The following IQCK variants were observed in gnomAD, a reference collection of about 807,000 sequenced individuals.
The protein encoded by IQCK is IQ domain-containing protein K.
In IQCK, 29 loss-of-function variants were observed where a neutral mutation model predicts 28.1. That is an observed-to-expected ratio of 1.03 (90% CI 0.77 to 1.41). The LOEUF is 1.41. Ranked by LOEUF, IQCK falls within the 40% of genes most tolerant of loss-of-function variation. The pLI, the probability that IQCK is intolerant of heterozygous loss-of-function variation, is 0.00. For missense variants in IQCK, 359 were observed against 314.7 expected (o/e 1.14, Z -1.07); for synonymous variants, 113 against 115.1 (o/e 0.98, Z 0.12).
chr16:19,790,684 A>G (rs2055605852), intron 7 of IQCK, among the ~76,000 whole-genome samples: 1 of 112,778 alleles, frequency 8.9e-6, no homozygotes, highest in Admixed American at 7.6e-5. Flanking sequence ...AGCTTACTGT[A>G]TGAGTCAGTA....
At chr16:19,757,800 T>G (rs973160942) in intron 4 of IQCK, among the ~76,000 whole-genome samples, 3 of 152,246 alleles carry the variant, frequency 2.0e-5, no homozygotes, top group African/African-American at 7.2e-5. Flanking sequence ...GAGAGAATTT[T>G]GGAATGAATT....
chr16:19,819,413 A>T (rs1050259734), intron 7 of IQCK: 2 of 152,000 alleles, frequency 1.3e-5, no homozygotes, highest in Non-Finnish European at 2.9e-5. Context: ...GAATTGCTTG[A>T]ATCCGGGAGG....
chr16:19,760,155 A>AATTTATGCTC (rs1409496747), intron 4 of IQCK, among the ~76,000 whole-genome samples: 1 of 152,226 alleles, frequency 6.6e-6, no homozygotes, highest in Non-Finnish European at 1.5e-5. Context: ...ATTTTTTAAA[A>AATTTATGCTC]AGACAATGAG....
In IQCK at chr16:19,806,531, C is replaced by CAA. The variant is rs111453482; in HGVS notation, c.690+17618_690+17619dup. On this transcript the variant is annotated intron_variant, in intron 7 of 7. Transcript: ENST00000564186. ...TGAAATGAACTCACTACAAAAAATA[C>CAA]AAAAAAAAAATAGCTGAGTGTGGTG... 4.1e-3 allele frequency among the ~76,000 whole-genome samples: 609 copies of CAA among 147,090 alleles called. 2 individuals are homozygous for CAA. Among genetic ancestry groups the CAA allele is most frequent in the African/African-American group, 0.013 (543 of 40,244 alleles).
At chr16:19,839,584 G>A (rs2056341595) in intron 9 of IQCK, among the ~76,000 whole-genome samples, 1 of 152,182 alleles carries the variant, frequency 6.6e-6, no homozygotes, top group South Asian at 2.1e-4. Flanking sequence ...TCAGCATCTA[G>A]AACAGTGCCC....
intron 1 of IQCK, among the ~76,000 whole-genome samples, chr16:19,721,338 A>C (rs1490160498): frequency 1.3e-5 from 2 of 152,222 alleles, no homozygotes; most frequent in African/African-American, 4.8e-5. Context: ...ACAGACCTTA[A>C]CCAACCTGAC....
chr16:19,762,973 G>A (rs375626643), intron 4 of IQCK, among the ~76,000 whole-genome samples: 4 of 152,066 alleles, frequency 2.6e-5, no homozygotes, highest in South Asian at 4.2e-4. Context: ...CTGAGATCAC[G>A]CCACTGCAGT....
chr16:19,747,605 A>G (rs2054929355), intron 4 of IQCK, among the ~76,000 whole-genome samples: 1 of 151,864 alleles, frequency 6.6e-6, no homozygotes, highest in South Asian at 2.1e-4. Context: ...CACACATTGT[A>G]CCCAATAAGT....
At position 19,730,612 on chromosome 16, in the gene IQCK, G is replaced by C. The variant is rs1030439915; in HGVS notation, c.246+118G>C. ...AGGAGGTGGGAAAGGGAAGGCACTG[G>C]AGCGAGAACCAGAAACTTGGGGCCA... On this transcript the variant is annotated intron_variant, in intron 2 of 7. Coordinates refer to ENST00000564186, the Ensembl canonical transcript of IQCK. 4.3e-6 allele frequency: 3 copies of C among 705,108 alleles called. No individual in the cohort carries two copies. The East Asian group carries it at 9.3e-5, about 22-fold the overall frequency. The allele number at this position is 705,108 out of a possible 1,614,324, so 43.7% of individuals were successfully genotyped here.
chr16:19,726,157 G>A (rs926263468), intron 1 of IQCK, among the ~76,000 whole-genome samples: 59 of 151,422 alleles, frequency 3.9e-4, no homozygotes, highest in Admixed American at 3.3e-3. Context: ...CTCGTGATCC[G>A]CCCGCCTCGG....
At chr16:19,732,177 A>G (rs1009070923) in intron 2 of IQCK, among the ~76,000 whole-genome samples, 3 of 152,214 alleles carry the variant, frequency 2.0e-5, no homozygotes, top group African/African-American at 7.2e-5. Flanking sequence ...CATATACACC[A>G]GTCTCTTCCA....
At chr16:19,727,894 G>A (rs920052857) in intron 1 of IQCK, among the ~76,000 whole-genome samples, 2 of 152,014 alleles carry the variant, frequency 1.3e-5, no homozygotes, top group Admixed American at 6.6e-5. Context: ...ATGGTAGGCG[G>A]AATTCTAAGA....
chr16:19,819,153 A>G (rs1014958873), intron 7 of IQCK, among the ~76,000 whole-genome samples: 7 of 152,174 alleles, frequency 4.6e-5, no homozygotes, highest in African/African-American at 1.7e-4. Flanking sequence ...CCACTGGTGG[A>G]TCTGGACCTA....
At chr16:19,850,306 A>G (rs529931827) in intron 9 of IQCK, among the ~76,000 whole-genome samples, 1 of 152,256 alleles carries the variant, frequency 6.6e-6, no homozygotes, top group East Asian at 1.9e-4. Context: ...CGTAACCTTG[A>G]GCAAGTTGCA....
chr16:19,741,537 C>G (rs975606415), intron 4 of IQCK, among the ~76,000 whole-genome samples: 5 of 152,144 alleles, frequency 3.3e-5, no homozygotes, highest in Non-Finnish European at 7.3e-5. Context: ...CTTGTGCCAA[C>G]TCATATTTCA....
chr16:19,724,310 C>T (rs1314542886), intron 1 of IQCK, among the ~76,000 whole-genome samples: 1 of 152,146 alleles, frequency 6.6e-6, no homozygotes, highest in Non-Finnish European at 1.5e-5. Context: ...TACAGCAATA[C>T]TTTCACTTAT....
intron 7 of IQCK, among the ~76,000 whole-genome samples, chr16:19,817,060 C>A (rs1276890279): frequency 6.6e-6 from 1 of 152,100 alleles, no homozygotes; most frequent in East Asian, 1.9e-4. Context: ...CCTGTACTAG[C>A]TTCCATCAGG....
chr16:19,807,921 G>A (rs897170294), intron 7 of IQCK, among the ~76,000 whole-genome samples: 1 of 152,086 alleles, frequency 6.6e-6, no homozygotes, highest in Non-Finnish European at 1.5e-5. Flanking sequence ...ATATATTCCT[G>A]ATCATTTCCT....
chr16:19,740,248 T>G (rs955934442), intron 4 of IQCK, among the ~76,000 whole-genome samples: 5 of 152,246 alleles, frequency 3.3e-5, no homozygotes, highest in African/African-American at 1.2e-4. Context: ...GACAATTTAA[T>G]TCTTGTCCAC....
Sources: gnomAD v4.1 joint callset for allele counts (sites outside exome capture counted in the v4.1 genomes callset) on GRCh38, gnomAD v4.1.1 for gene constraint, MANE v1.5 for transcripts, NCBI Gene and HGNC (gene_info 2026-07-23, HGNC 2026-07-21) for gene names.